The following FGD5 variants were observed in gnomAD, a reference collection of about 807,000 sequenced individuals.
FGD5 encodes the protein FYVE, RhoGEF and PH domain-containing protein 5.
A neutral mutation model predicts 133.4 loss-of-function variants in FGD5; 28 were observed. That is an observed-to-expected ratio of 0.21 (90% CI 0.16 to 0.29). The LOEUF is 0.29. FGD5 is among the 10% of genes least tolerant of loss of function. FGD5 has a pLI of 1.00. For missense variants in FGD5, 1,858 were observed against 1,895.2 expected (o/e 0.98, Z 0.36); for synonymous variants, 810 against 776.5 (o/e 1.04, Z -0.72).
chr3:14,926,123 G>T lies in FGD5; in HGVS notation c.4122G>T (p.Lys1374Asn). The change falls in exon 18 of 20, where the codon AAG (lysine) becomes AAT (asparagine). Residue 1374 changes from lysine (K) to asparagine (N), a missense_variant. Transcript: ENST00000285046. The part of the protein sequence containing the change: ...SAISGYLSRC[K>N]RGKRHWKKLW... Reference sequence around the variant, plus strand: ...TCAGTGGCTATCTCAGCCGGTGTAAGAGGGGCAAGCGGCACTGGAAGAAGC... The same window carrying T: ...TCAGTGGCTATCTCAGCCGGTGTAATAGGGGCAAGCGGCACTGGAAGAAGC... 1 of 1,613,962 alleles carries T rather than the reference G, an allele frequency of 6.2e-7. No individual in the cohort carries two copies. The highest frequency in any genetic ancestry group is 8.5e-7 in the Non-Finnish European group (1 of 1,179,864).
chr3:14,815,292 G>A (rs998275689), upstream of FGD5, among the ~76,000 whole-genome samples: 7 of 150,936 alleles, frequency 4.6e-5, no homozygotes, highest in East Asian at 1.9e-4. Context: ...CACCACTTTC[G>A]TGTCTTTGCT....
At chr3:14,910,819 G>A (rs2038433570) in intron 10 of FGD5, 42 bp from the exon 11 acceptor site, 2 of 1,586,344 alleles carry the variant, frequency 1.3e-6, no homozygotes, top group Non-Finnish European at 1.7e-6. Flanking sequence ...GGGATTCAGG[G>A]GGCATCAGCC....
chr3:14,816,252 C>T (rs933971261), upstream of FGD5, among the ~76,000 whole-genome samples: 2 of 152,160 alleles, frequency 1.3e-5, no homozygotes, highest in African/African-American at 4.8e-5. Flanking sequence ...GTGAAATGCC[C>T]ACCTGTTAAG....
At chr3:14,913,212 G>A (rs755535624) in intron 11 of FGD5, among the ~76,000 whole-genome samples, 17 of 152,180 alleles carry the variant, frequency 1.1e-4, no homozygotes, top group Non-Finnish European at 2.1e-4. Flanking sequence ...GAAAGACTGG[G>A]TGGTTTTGAG....
chr3:14,923,087 G>A lies in FGD5; in HGVS notation c.3849G>A (p.Lys1283=), dbSNP rs906593305. 6 of 1,613,954 alleles carry A rather than the reference G, an allele frequency of 3.7e-6. No homozygotes were observed. In the Admixed American group the frequency reaches 1.0e-4, roughly 27 times the overall value. Residue 1283 remains lysine, a synonymous_variant, in exon 16 of 20, where the codon AAG becomes AAA. Coordinates refer to ENST00000285046, the MANE Select transcript of FGD5 (RefSeq NM_152536.4). ...RNCSRNKYPL[K]YLKDRMAKVC... ...GTTCGCGGAACAAGTACCCGCTGAA[G>A]TACCTGAAGGACAGGATGGCCAAGG...
In FGD5 at chr3:14,932,741, G is replaced by T. The variant is rs773756561; in HGVS notation, c.4352+10G>T. ...CCAATTCAGCTCAGAGGTACGAAAA[G>T]AACTAATTAGTCTTATAGCTTTTTG... On this transcript the variant is annotated intron_variant, in intron 19 of 19. Transcript: ENST00000285046. The T allele has an allele frequency of 3.1e-6, 5 of 1,609,902 alleles. No individual in the cohort carries two copies. Among genetic ancestry groups the T allele is most frequent in the Non-Finnish European group, 4.2e-6 (5 of 1,178,788 alleles).
intron 1 of FGD5, among the ~76,000 whole-genome samples, chr3:14,821,907 C>G (rs966925503): frequency 6.6e-6 from 1 of 152,104 alleles, no homozygotes; most frequent in African/African-American, 2.4e-5. Context: ...CGAGACCATC[C>G]TGGTCAACAT....
chr3:14,901,773 A>G (rs775142245), intron 9 of FGD5, among the ~76,000 whole-genome samples: 6 of 152,228 alleles, frequency 3.9e-5, no homozygotes, highest in Non-Finnish European at 5.9e-5. Flanking sequence ...TGAGTCATCC[A>G]CAGGCAGAAG....
At chr3:14,895,232 G>A (rs1352292291) in intron 4 of FGD5, among the ~76,000 whole-genome samples, 2 of 152,100 alleles carry the variant, frequency 1.3e-5, no homozygotes, top group African/African-American at 4.8e-5. Context: ...GTCTATTTTC[G>A]CTTTGATTGG....
At chr3:14,829,308 T>C (rs1175245846) in intron 1 of FGD5, among the ~76,000 whole-genome samples, 2 of 152,048 alleles carry the variant, frequency 1.3e-5, no homozygotes, top group Non-Finnish European at 2.9e-5. Flanking sequence ...GGGGAGTCCA[T>C]AGTGATTTTC....
At chr3:14,896,152 C>T (rs547851451) in intron 4 of FGD5, among the ~76,000 whole-genome samples, 6 of 152,220 alleles carry the variant, frequency 3.9e-5, no homozygotes, top group East Asian at 1.9e-4. Flanking sequence ...GACAAAAATG[C>T]GAAGATGTTC....
In FGD5 at chr3:14,922,438, G is replaced by A. The variant is rs776899153; in HGVS notation, c.3697G>A (p.Gly1233Arg). The A allele has an allele frequency of 3.2e-6, 5 of 1,569,398 alleles. No individual in the cohort carries two copies. The South Asian group carries it at 4.7e-5, about 15-fold the overall frequency. ...ACGAGAGAGGCTGGGGGTTAGCCTT[G>A]GGGAGAGGCCCCCCACCCTGGTGCC... ...EIRERLGVSL[G>R]ERPPTLVPVT... The change falls in exon 15 of 20, where the codon GGG becomes AGG. Residue 1233 changes from glycine (G) to arginine (R), a missense_variant. Around this residue, in one of 3 missense-constraint regions of FGD5, gnomAD observed 1,824 missense variants for 1,848.9 expected, o/e 0.99. Coordinates refer to ENST00000285046, the MANE Select transcript of FGD5 (RefSeq NM_152536.4). The surrounding 1 kb of genome is among the most constrained non-coding windows in gnomAD (Gnocchi z 4.1).
intron 13 of FGD5, among the ~76,000 whole-genome samples, chr3:14,921,124 C>T (rs1287007719): frequency 6.6e-6 from 1 of 152,238 alleles, no homozygotes; most frequent in African/African-American, 2.4e-5. Flanking sequence ...ATGCCAGTCA[C>T]CTTCCTGCTA....
intron 2 of FGD5, among the ~76,000 whole-genome samples, chr3:14,878,765 G>A (rs1473730369): frequency 2.1e-5 from 3 of 140,680 alleles, no homozygotes; most frequent in African/African-American, 8.1e-5. Flanking sequence ...TCACACTGTC[G>A]CCCAGGCTGG....
At chr3:14,861,070 T>C (rs2037389210) in intron 1 of FGD5, among the ~76,000 whole-genome samples, 1 of 152,152 alleles carries the variant, frequency 6.6e-6, no homozygotes. Context: ...AGGCCAGAGT[T>C]GGTAGCAAGT....
intron 4 of FGD5, among the ~76,000 whole-genome samples, chr3:14,882,006 G>A (rs561660201): frequency 6.6e-5 from 10 of 152,290 alleles, no homozygotes; most frequent in African/African-American, 2.4e-4. Context: ...ATAGCAGCCA[G>A]GACCCCAGGA....
upstream of FGD5, among the ~76,000 whole-genome samples, chr3:14,818,630 A>C (rs2036417710): frequency 6.6e-6 from 1 of 152,162 alleles, no homozygotes; most frequent in African/African-American, 2.4e-5. Flanking sequence ...GAAAGTGTTT[A>C]TCAGTAGCTG....
chr3:14,824,693 C>T (rs1208274453), intron 1 of FGD5, among the ~76,000 whole-genome samples: 2 of 152,198 alleles, frequency 1.3e-5, no homozygotes, highest in Non-Finnish European at 2.9e-5. Context: ...TTCCATTATA[C>T]TGCCTATACT....
chr3:14,927,252 C>T (rs750404990), intron 18 of FGD5, among the ~76,000 whole-genome samples: 8 of 152,208 alleles, frequency 5.3e-5, no homozygotes, highest in Non-Finnish European at 8.8e-5. Context: ...GTGGGGTCTT[C>T]CACACTGTGG....
Sources: allele counts gnomAD v4.1 joint callset (sites outside exome capture counted in the v4.1 genomes callset), GRCh38; gene constraint gnomAD v4.1.1; regional missense constraint gnomAD v4.1.1; non-coding constraint Gnocchi (gnomAD v3.1); transcripts MANE v1.5; gene names NCBI Gene and HGNC (gene_info 2026-07-23, HGNC 2026-07-21).